Variants in DOCK8 observed in about 807,000 individuals in gnomAD.
DOCK8 encodes dedicator of cytokinesis 8, also known as dedicator of cytokinesis protein 8.
DOCK8 carries 141 observed loss-of-function variants against 245.6 expected under a neutral mutation model. That is an observed-to-expected ratio of 0.57 (90% confidence interval 0.50 to 0.66). The LOEUF (loss-of-function observed/expected upper bound fraction) is 0.66, where lower values mean the gene tolerates loss of function less well. Ranked by LOEUF, DOCK8 falls within the 30% of genes least tolerant of loss-of-function variation. The pLI is 0.00. For missense variants in DOCK8, 2,965 were observed against 2,603.4 expected (o/e 1.14, Z -3.02); for synonymous variants, 1,168 against 970.2 (o/e 1.20, Z -3.79).
intron 14 of DOCK8, among the ~76,000 whole-genome samples, chr9:342,838 T>C (rs111358039): frequency 1.8e-4 from 28 of 152,332 alleles, no homozygotes; most frequent in Admixed American, 5.2e-4. Context: ...TCCTTGTTGA[T>C]ACGCATTTAA....
intron 2 of DOCK8, among the ~76,000 whole-genome samples, chr9:282,388 A>G (rs1421107541): frequency 6.7e-6 from 1 of 149,518 alleles, no homozygotes; most frequent in Non-Finnish European, 1.5e-5. Flanking sequence ...CAGGGACATG[A>G]CAAGTTTGCT....
intron 4 of DOCK8, among the ~76,000 whole-genome samples, chr9:301,607 C>A (rs929604964): frequency 6.6e-6 from 1 of 152,194 alleles, no homozygotes; most frequent in Non-Finnish European, 1.5e-5. Flanking sequence ...ACACTGCAGA[C>A]CCTGCTAAAA....
intron 15 of DOCK8, chr9:368,792 C>T (rs994807359): frequency 1.3e-5 from 2 of 149,952 alleles, no homozygotes; most frequent in African/African-American, 4.9e-5. Context: ...TCATAGAATT[C>T]AGTTAATATA....
At chr9:230,135 A>G (rs1202050610) in intron 1 of DOCK8, among the ~76,000 whole-genome samples, 1 of 139,882 alleles carries the variant, frequency 7.1e-6, no homozygotes, top group East Asian at 2.1e-4. Context: ...ATTCCCACCT[A>G]TGAGTGAGAA....
At chr9:443,625 C>A in intron 43 of DOCK8, 109 bp downstream of exon 43, 1 of 854,602 alleles carries the variant, frequency 1.2e-6, no homozygotes, top group Non-Finnish European at 1.9e-6. Context: ...CACTTAAATG[C>A]AGTCAAACCT....
intron 14 of DOCK8, among the ~76,000 whole-genome samples, chr9:345,382 A>G (rs1360813489): frequency 6.6e-6 from 1 of 152,226 alleles, no homozygotes; most frequent in African/African-American, 2.4e-5. Flanking sequence ...ATAAATGCTT[A>G]CACTGAGAAA....
At chr9:221,921 A>C (rs2046891722) in intron 1 of DOCK8, among the ~76,000 whole-genome samples, 2 of 152,048 alleles carry the variant, frequency 1.3e-5, no homozygotes, top group African/African-American at 4.8e-5. Context: ...ATTAGATGTA[A>C]AATGATTTAT....
chr9:372,931 G>A (rs1028881589), intron 18 of DOCK8, among the ~76,000 whole-genome samples: 10 of 152,128 alleles, frequency 6.6e-5, no homozygotes, highest in African/African-American at 2.2e-4. Context: ...TTGGGAGGCC[G>A]AGGCAGGCAG....
chr9:326,809 A>G (rs1363619364), intron 8 of DOCK8, among the ~76,000 whole-genome samples: 1 of 152,206 alleles, frequency 6.6e-6, no homozygotes, highest in African/African-American at 2.4e-5. Flanking sequence ...TGGAAGTTTG[A>G]TACATTGCTT....
intron 19 of DOCK8, 51 bp from the exon 20 acceptor site, chr9:376,926 G>C: frequency 6.6e-7 from 1 of 1,508,290 alleles, no homozygotes; most frequent in African/African-American, 1.4e-5. Flanking sequence ...GAATCCACTG[G>C]TGAACATTGA....
At chr9:325,783 C>G (rs1434914489) in intron 8 of DOCK8, 46 bp downstream of exon 8, 1 of 1,501,094 alleles carries the variant, frequency 6.7e-7, no homozygotes, top group South Asian at 1.1e-5. Context: ...ATATATTGTT[C>G]ATGATTCTTT....
Position 278,003 on chromosome 9 carries a change from C to A in DOCK8, c.156+6274C>A, listed in dbSNP as rs552404954. On this transcript the variant is annotated intron_variant, in intron 2 of 47. Transcript: ENST00000432829. ...CTTCTGATTCTGTTGTTCTTTTGCA[C>A]TTCATCTTTCAAGGGGTTGGGCTAT... Among the ~76,000 whole-genome samples, 11 of 152,272 alleles carry A rather than the reference C, an allele frequency of 7.2e-5. No individual in the cohort carries two copies. In the South Asian group the frequency reaches 2.3e-3, roughly 32 times the overall value.
At chr9:339,233 G>A in intron 13 of DOCK8, 134 bp downstream of exon 13, 1 of 803,128 alleles carries the variant, frequency 1.2e-6, no homozygotes, top group African/African-American at 1.7e-5. Context: ...TAGGGGTTAA[G>A]AATCTGAATT....
In DOCK8 at chr9:254,983, C is replaced by G. The variant is rs74385819; in HGVS notation, c.54-16644C>G. ...TTTAGCAGATTCTTATTTTTGTATG[C>G]TAAAGTTTGAGGGTCACCACTGGAG... On this transcript the variant is annotated intron_variant, in intron 1 of 47. Coordinates refer to ENST00000432829, the MANE Select transcript of DOCK8 (RefSeq NM_203447.4). Among the ~76,000 whole-genome samples, 394 of 152,214 alleles carry G rather than the reference C, an allele frequency of 2.6e-3. 2 individuals carry two copies. Among genetic ancestry groups the G allele is most frequent in the Non-Finnish European group, 4.2e-3 (286 of 68,010 alleles).
Position 434,903 on chromosome 9 carries a change from T to C in DOCK8, c.5007T>C (p.Ala1669=), listed in dbSNP as rs1181911420. 6.2e-7 allele frequency: 1 copy of C among 1,613,844 alleles called. No individual in the cohort carries two copies. The highest frequency in any genetic ancestry group is 1.1e-5 in the South Asian group (1 of 91,060). Reference sequence around the variant, plus strand: ...CTGCCATGTGCCTGGTGCACGCCGCTGCGTTAGTGGCTGAGTATCTGAGCA... The same window carrying C: ...CTGCCATGTGCCTGGTGCACGCCGCCGCGTTAGTGGCTGAGTATCTGAGCA... ...TEAAMCLVHA[A]ALVAEYLSML... Residue 1669 remains alanine (A), a synonymous_variant, in exon 39 of 48, where the codon GCT becomes GCC. Transcript: ENST00000432829.
intron 1 of DOCK8, among the ~76,000 whole-genome samples, chr9:227,566 G>C (rs1245126938): frequency 1.3e-5 from 2 of 152,164 alleles, no homozygotes; most frequent in Admixed American, 6.5e-5. Context: ...GAAGGCCTTT[G>C]TTTTTGTAAA....
chr9:396,998 C>A, intron 25 of DOCK8, 64 bp downstream of exon 25: 2 of 1,511,070 alleles, frequency 1.3e-6, no homozygotes, highest in Non-Finnish European at 1.8e-6. Context: ...CTTTCATAAT[C>A]AGAGAAAAAT....
At chr9:332,188 TCTA>T (rs1445828994) in intron 9 of DOCK8, among the ~76,000 whole-genome samples, 1 of 152,192 alleles carries the variant, frequency 6.6e-6, no homozygotes, top group Admixed American at 6.5e-5. Flanking sequence ...TTGCTGAGTA[TCTA>T]CTGTCACCCT....
intron 6 of DOCK8, among the ~76,000 whole-genome samples, chr9:316,421 A>G (rs1202185194): frequency 6.6e-6 from 1 of 152,254 alleles, no homozygotes; most frequent in African/African-American, 2.4e-5. Context: ...GCGGTAAAAT[A>G]AACAGGTAGA....
Sources: allele counts gnomAD v4.1 joint callset (sites outside exome capture counted in the v4.1 genomes callset), GRCh38; gene constraint gnomAD v4.1.1; transcripts MANE v1.5; gene names NCBI Gene and HGNC (gene_info 2026-07-23, HGNC 2026-07-21).